ZMAT4: variants seen among roughly 807,000 people sequenced by gnomAD.
ZMAT4 encodes zinc finger matrin-type protein 4.
Under a neutral mutation model 28.7 loss-of-function variants are expected in ZMAT4, and 17 were observed. That is an observed-to-expected ratio of 0.59 (90% CI 0.41 to 0.89). The LOEUF (loss-of-function observed/expected upper bound fraction) is 0.89. ZMAT4 is among the 40% of genes least tolerant of loss of function. The pLI is 0.00. For synonymous variants in ZMAT4, 117 were observed against 109.2 expected (o/e 1.07, Z -0.44); for missense variants, 240 against 283.8 (o/e 0.85, Z 1.11).
chr8:40,792,500 G>A (rs200454322), intron 2 of ZMAT4, among the ~76,000 whole-genome samples: 3 of 14,340 alleles, frequency 2.1e-4, no homozygotes, highest in East Asian at 3.4e-3. Flanking sequence ...AGGAAGGAAG[G>A]AAGGAAGGAA....
intron 3 of ZMAT4, among the ~76,000 whole-genome samples, chr8:40,718,553 A>G (rs1810949511): frequency 6.6e-6 from 1 of 152,184 alleles, no homozygotes; most frequent in Non-Finnish European, 1.5e-5. Flanking sequence ...GTAGAAAGAA[A>G]GTCTGGGCAA....
chr8:40,606,613 C>T (rs188868608), intron 5 of ZMAT4, among the ~76,000 whole-genome samples: 22 of 152,278 alleles, frequency 1.4e-4, no homozygotes, highest in African/African-American at 4.6e-4. Flanking sequence ...TCTTAGGATT[C>T]TTTCATTCGT....
At chr8:40,587,364 T>A (rs1284179500) in intron 5 of ZMAT4, among the ~76,000 whole-genome samples, 1 of 152,186 alleles carries the variant, frequency 6.6e-6, no homozygotes, top group Non-Finnish European at 1.5e-5. Context: ...TATGTGGGTA[T>A]CTATCTTTTA....
chr8:40,615,043 T>C (rs2118670480), intron 5 of ZMAT4, among the ~76,000 whole-genome samples: 1 of 152,318 alleles, frequency 6.6e-6, no homozygotes, highest in Non-Finnish European at 1.5e-5. Context: ...CATTTTGGCA[T>C]GTTTTTGCAG....
intron 1 of ZMAT4, among the ~76,000 whole-genome samples, chr8:40,884,200 T>A (rs1249829010): frequency 8.6e-6 from 1 of 116,074 alleles, no homozygotes; most frequent in African/African-American, 3.3e-5. Context: ...ACCCACCCCA[T>A]CACATGGCCT....
chr8:40,875,620 G>A (rs1342700030), intron 1 of ZMAT4, among the ~76,000 whole-genome samples: 1 of 152,154 alleles, frequency 6.6e-6, no homozygotes, highest in East Asian at 1.9e-4. Context: ...GGGCCATGGG[G>A]GTGGTGGGTG....
intron 3 of ZMAT4, among the ~76,000 whole-genome samples, chr8:40,765,416 T>A (rs911438292): frequency 2.0e-5 from 3 of 152,178 alleles, no homozygotes; most frequent in Non-Finnish European, 2.9e-5. Context: ...AACAAAAGCA[T>A]CAACTATCAC....
intron 1 of ZMAT4, among the ~76,000 whole-genome samples, chr8:40,883,039 A>G (rs1356998950): frequency 1.3e-5 from 2 of 152,130 alleles, no homozygotes; most frequent in African/African-American, 4.8e-5. Context: ...CCTCTCAGAG[A>G]AATTGACAGA....
At chr8:40,862,079 C>T (rs1213911565) in intron 1 of ZMAT4, among the ~76,000 whole-genome samples, 2 of 152,064 alleles carry the variant, frequency 1.3e-5, no homozygotes, top group East Asian at 3.9e-4. Context: ...GGTATATACC[C>T]AAAGGATTAT....
At position 40,831,520 on chromosome 8, in the gene ZMAT4, C is replaced by T. The variant is rs540689542; in HGVS notation, c.-4-5840G>A. On this transcript the variant is annotated intron_variant, in intron 1 of 6. Coordinates refer to ENST00000297737, the MANE Select transcript of ZMAT4 (RefSeq NM_024645.3). ...CATCAGGGCCCCAGGGTGGCATCTC[C>T]TCCAGCCCAGTCCCTTGAGGAGAGA... is the stretch of plus-strand genomic sequence containing the variant. Among the ~76,000 whole-genome samples, 4 of 152,338 alleles carry T rather than the reference C, an allele frequency of 2.6e-5. No homozygotes were observed. The South Asian group carries it at 8.3e-4, about 32-fold the overall frequency.
chr8:40,716,509 T>C (rs894487333), intron 3 of ZMAT4, among the ~76,000 whole-genome samples: 63 of 152,212 alleles, frequency 4.1e-4, no homozygotes, highest in Non-Finnish European at 2.6e-4. Context: ...CTGGCCAAGA[T>C]GGCGAAACCC....
At chr8:40,663,141 C>T (rs957358950) in intron 5 of ZMAT4, among the ~76,000 whole-genome samples, 1 of 152,156 alleles carries the variant, frequency 6.6e-6, no homozygotes, top group African/African-American at 2.4e-5. Flanking sequence ...CTTCTCTTAC[C>T]TTCATCTAAC....
intron 6 of ZMAT4, among the ~76,000 whole-genome samples, chr8:40,566,633 G>A (rs1184135279): frequency 6.6e-6 from 1 of 152,048 alleles, no homozygotes; most frequent in Non-Finnish European, 1.5e-5. Context: ...CAAACCTTCT[G>A]GTATGGAGGA....
chr8:40,531,401 A>T lies in ZMAT4; in HGVS notation c.*822T>A, dbSNP rs1432388364. The T allele has an allele frequency of 6.6e-6, 1 of 152,162 alleles. No individual in the cohort carries two copies. Among genetic ancestry groups the T allele is most frequent in the Non-Finnish European group, 1.5e-5 (1 of 68,000 alleles). 9.4% of individuals were successfully genotyped at this position (152,162 alleles called of 1,614,324 possible). On this transcript the variant is annotated 3_prime_UTR_variant, in exon 7 of 7. Coordinates refer to ENST00000297737, the MANE Select transcript of ZMAT4 (RefSeq NM_024645.3). ...GTTCAGGCCAAACATCATAAAAAAAAATACTTGTTTATTTCCATCTCATTC... is the reference window on the plus strand; with the variant it reads ...GTTCAGGCCAAACATCATAAAAAAATATACTTGTTTATTTCCATCTCATTC...
intron 4 of ZMAT4, among the ~76,000 whole-genome samples, chr8:40,693,225 T>C (rs1168759278): frequency 1.3e-5 from 2 of 152,032 alleles, no homozygotes; most frequent in Non-Finnish European, 2.9e-5. Flanking sequence ...AAATCAATCC[T>C]CCCACCTCAG....
chr8:40,831,764 C>T (rs186063532), intron 1 of ZMAT4, among the ~76,000 whole-genome samples: 18 of 152,316 alleles, frequency 1.2e-4, no homozygotes, highest in African/African-American at 3.6e-4. Context: ...ACTGCCACTC[C>T]GTGTGACTGT....
intron 1 of ZMAT4, among the ~76,000 whole-genome samples, chr8:40,878,684 C>G (rs1818121124): frequency 6.6e-6 from 1 of 152,230 alleles, no homozygotes; most frequent in African/African-American, 2.4e-5. Context: ...CAATGTACCA[C>G]AGAATTTACA....
chr8:40,671,852 A>G (rs570043859), intron 5 of ZMAT4, among the ~76,000 whole-genome samples: 2 of 152,320 alleles, frequency 1.3e-5, no homozygotes, highest in East Asian at 1.9e-4. Context: ...AGTTTCTTAT[A>G]AAAAATATTA....
intron 5 of ZMAT4, among the ~76,000 whole-genome samples, chr8:40,622,401 C>T (rs1186272549): frequency 1.3e-5 from 2 of 152,160 alleles, no homozygotes; most frequent in African/African-American, 2.4e-5. Context: ...TTTGTATTTC[C>T]AAGAACCTGG....
Sources: gnomAD v4.1 joint callset for allele counts (sites outside exome capture counted in the v4.1 genomes callset) on GRCh38, gnomAD v4.1.1 for gene constraint, MANE v1.5 for transcripts, NCBI Gene and HGNC (gene_info 2026-07-23, HGNC 2026-07-21) for gene names.